Variants in SHQ1 observed in about 807,000 individuals in gnomAD.
SHQ1 encodes the protein protein SHQ1 homolog.
A neutral mutation model predicts 53.8 loss-of-function variants in SHQ1; 49 were observed. The observed-to-expected ratio is 0.91, with a 90% CI of 0.72 to 1.16. SHQ1 has a LOEUF of 1.16. Among genes scored for constraint, SHQ1 ranks in the 50% most tolerant of loss-of-function variants. The pLI, the probability that SHQ1 is intolerant of heterozygous loss-of-function variation, is 0.00. For synonymous variants in SHQ1, 243 were observed against 251.0 expected (o/e 0.97, Z 0.30); for missense variants, 738 against 683.1 (o/e 1.08, Z -0.90).
At chr3:72,797,788 T>C (rs1314785110) in intron 9 of SHQ1, among the ~76,000 whole-genome samples, 2 of 152,346 alleles carry the variant, frequency 1.3e-5, no homozygotes, top group South Asian at 2.1e-4. Context: ...CCCAACAATA[T>C]GCATTGTTAC....
At chr3:72,846,263 G>A (rs1708325007) in intron 1 of SHQ1, 1 of 1,533,620 alleles carries the variant, frequency 6.5e-7, no homozygotes, top group Non-Finnish European at 8.7e-7. Flanking sequence ...GAGGGACCAG[G>A]TTTTATTCAT....
intron 9 of SHQ1, among the ~76,000 whole-genome samples, chr3:72,811,884 G>C (rs983004581): frequency 8.5e-5 from 13 of 152,176 alleles, no homozygotes; most frequent in African/African-American, 3.1e-4. Context: ...AAGGAATGAT[G>C]AGTCTCCCCA....
rs543463390 is a variant in SHQ1 at position 72,813,531 on chromosome 3, C to T, written c.937-737G>A. Among the ~76,000 whole-genome samples the T allele has an allele frequency of 4.7e-5, 7 of 150,150 alleles. No individual in the cohort carries two copies. The South Asian group carries it at 8.5e-4, about 18-fold the overall frequency. On this transcript the variant is annotated intron_variant, in intron 8 of 10. Coordinates refer to ENST00000325599, the MANE Select transcript of SHQ1 (RefSeq NM_018130.3). Reference sequence around the variant, plus strand: ...CTGTGATCTCAGCACTTTGGGAGGCCGACGGGCGGACCACAAGGCCAGGAG... The same window carrying T: ...CTGTGATCTCAGCACTTTGGGAGGCTGACGGGCGGACCACAAGGCCAGGAG...
chr3:72,824,121 C>A (rs567967026), intron 6 of SHQ1, among the ~76,000 whole-genome samples: 2 of 152,260 alleles, frequency 1.3e-5, no homozygotes, highest in South Asian at 4.1e-4. Flanking sequence ...TGAGAAACTA[C>A]AAATGTCCTG....
the SHQ1 span, among the ~76,000 whole-genome samples, chr3:72,737,352 A>T: frequency 1.3e-5 from 2 of 152,036 alleles, no homozygotes; most frequent in African/African-American, 4.8e-5. Flanking sequence ...GGAAGGGGAG[A>T]AGGAGAGGAG....
At chr3:72,825,292 G>A (rs1009745548) in intron 5 of SHQ1, among the ~76,000 whole-genome samples, 1 of 150,410 alleles carries the variant, frequency 6.6e-6, no homozygotes, top group Non-Finnish European at 1.5e-5. Context: ...AACTCAACCA[G>A]CAAAGAAAAA....
intron 9 of SHQ1, among the ~76,000 whole-genome samples, chr3:72,801,602 G>A (rs1194463736): frequency 6.6e-6 from 1 of 152,156 alleles, no homozygotes; most frequent in Admixed American, 6.5e-5. Flanking sequence ...TGATAAGTAT[G>A]TCAAGGTAAA....
At chr3:72,847,396 T>C (rs1368847575) in intron 1 of SHQ1, among the ~76,000 whole-genome samples, 2 of 152,192 alleles carry the variant, frequency 1.3e-5, no homozygotes, top group Non-Finnish European at 2.9e-5. Context: ...AGGATGAATA[T>C]GTAGCAGCGG....
At chr3:72,803,659 T>G (rs756472449) in intron 9 of SHQ1, among the ~76,000 whole-genome samples, 1 of 152,206 alleles carries the variant, frequency 6.6e-6, no homozygotes, top group Non-Finnish European at 1.5e-5. Flanking sequence ...GTAAATATTT[T>G]GGCTTTGCAG....
At chr3:72,834,764 T>C (rs1015552410) in intron 4 of SHQ1, among the ~76,000 whole-genome samples, 1 of 152,334 alleles carries the variant, frequency 6.6e-6, no homozygotes, top group South Asian at 2.1e-4. Flanking sequence ...CAAAAAGTTC[T>C]GGATCTACAT....
At position 72,848,245 on chromosome 3, in the gene SHQ1, G is replaced by C; in HGVS notation, c.96C>G (p.Tyr32Ter). 1 of 1,614,216 alleles carries C rather than the reference G, an allele frequency of 6.2e-7. No individual in the cohort carries two copies. The highest frequency in any genetic ancestry group is 8.5e-7 in the Non-Finnish European group (1 of 1,180,036). Residue 32 changes from tyrosine to a stop codon, truncating the protein, a stop_gained, in exon 1 of 11, where the codon TAC becomes TAG. Transcript: ENST00000325599. LOFTEE classifies it high-confidence loss of function. ...AGAACTTGAAGTCAGACCCCTCGAAGTAGACGTCGAACTCGGAGACCCGGG... is the reference window on the plus strand; with the variant it reads ...AGAACTTGAAGTCAGACCCCTCGAACTAGACGTCGAACTCGGAGACCCGGG... ...PYARVSEFDV[Y>*]FEGSDFKFYA... is the part of the protein sequence containing the mutation.
At chr3:72,846,282 T>C (rs922909596) in intron 1 of SHQ1, 25 of 1,533,586 alleles carry the variant, frequency 1.6e-5, no homozygotes, top group Middle Eastern at 2.0e-4. Context: ...ATCCTTGGTA[T>C]AGCAAACTGT....
intron 10 of SHQ1, among the ~76,000 whole-genome samples, chr3:72,775,409 T>A (rs764229985): frequency 6.7e-6 from 1 of 148,202 alleles, no homozygotes; most frequent in South Asian, 2.1e-4. Context: ...AATTAGAAAA[T>A]CTGAATAAAT....
the SHQ1 span, among the ~76,000 whole-genome samples, chr3:72,741,869 C>T: frequency 1.3e-5 from 2 of 151,854 alleles, no homozygotes; most frequent in South Asian, 4.2e-4. Flanking sequence ...TAACAATTTC[C>T]AAAGCATTTA....
intron 5 of SHQ1, 47 bp downstream of exon 5, chr3:72,832,322 A>AT (rs1423948746): frequency 1.4e-6 from 2 of 1,415,056 alleles, no homozygotes; most frequent in African/African-American, 2.8e-5. Flanking sequence ...AAATTTTAAA[A>AT]TAAATGTCAA....
At chr3:72,793,058 T>A in intron 9 of SHQ1, 22 bp from the exon 10 acceptor site, 1 of 1,584,012 alleles carries the variant, frequency 6.3e-7, no homozygotes, top group Non-Finnish European at 8.6e-7. Flanking sequence ...TGAAAAAACA[T>A]AAAATTATCC....
At chr3:72,845,269 A>G (rs1708295486) in intron 1 of SHQ1, among the ~76,000 whole-genome samples, 1 of 152,150 alleles carries the variant, frequency 6.6e-6, no homozygotes, top group South Asian at 2.1e-4. Context: ...CGATCACCTT[A>G]GGTCAGGAGT....
Position 72,749,990 on chromosome 3 carries a change from T to C in SHQ1, c.*294A>G. ...ACATCCTCCTGCACAGTTTAAATCA[T>C]CACTAGATTACTTATATTACCCAAT... is the stretch of plus-strand genomic sequence containing the variant. On this transcript the variant is annotated 3_prime_UTR_variant, in exon 11 of 11. Transcript: ENST00000325599. The C allele has an allele frequency of 2.7e-6, 1 of 366,928 alleles. No homozygotes were observed. Among genetic ancestry groups the C allele is most frequent in the East Asian group, 4.7e-5 (1 of 21,158 alleles). The allele number at this position is 366,928 out of a possible 1,614,324, so 22.7% of individuals were successfully genotyped here. A position where few individuals can be genotyped will look rare whatever the true frequency, so the allele number is the denominator to read the frequency against.
At chr3:72,843,028 G>A (rs1390515061) in intron 2 of SHQ1, among the ~76,000 whole-genome samples, 8 of 149,978 alleles carry the variant, frequency 5.3e-5, no homozygotes, top group African/African-American at 2.0e-4. Flanking sequence ...TGTGAGCCGA[G>A]ATCGCGCCAC....
Sources: gnomAD v4.1 joint callset for allele counts (sites outside exome capture counted in the v4.1 genomes callset) on GRCh38, gnomAD v4.1.1 for gene constraint, MANE v1.5 for transcripts, NCBI Gene and HGNC (gene_info 2026-07-23, HGNC 2026-07-21) for gene names.